Variants in DLGAP1 observed in about 807,000 individuals in gnomAD.
DLGAP1 encodes DLG associated protein 1.
A neutral mutation model predicts 90.8 loss-of-function variants in DLGAP1; 11 were observed. The observed-to-expected ratio is 0.12, with a 90% CI of 0.08 to 0.20. The LOEUF is 0.20. Among genes scored for constraint, DLGAP1 ranks in the 10% least tolerant of loss-of-function variants. DLGAP1 has a pLI of 1.00. For synonymous variants in DLGAP1, 558 were observed against 540.7 expected (o/e 1.03, Z -0.44); for missense variants, 1,050 against 1,333.8 (o/e 0.79, Z 3.31).
intron 1 of DLGAP1, among the ~76,000 whole-genome samples, chr18:4,299,547 ACACTGT>A (rs2080073400): frequency 6.6e-6 from 1 of 152,252 alleles, no homozygotes; most frequent in South Asian, 2.1e-4. Context: ...CCATTTTGTC[ACACTGT>A]CACTAAGTAG....
intron 1 of DLGAP1, among the ~76,000 whole-genome samples, chr18:4,211,513 C>T (rs1167086892): frequency 1.3e-5 from 2 of 151,882 alleles, no homozygotes; most frequent in Non-Finnish European, 2.9e-5. Context: ...AGAGTGATAC[C>T]AATTGATGTT....
intron 1 of DLGAP1, among the ~76,000 whole-genome samples, chr18:4,171,795 T>A (rs2077031041): frequency 6.6e-6 from 1 of 152,184 alleles, no homozygotes; most frequent in African/African-American, 2.4e-5. Flanking sequence ...ATGGTTATTA[T>A]GTACTTCTAA....
At chr18:3,966,108 A>G (rs2073325336) in intron 3 of DLGAP1, among the ~76,000 whole-genome samples, 1 of 152,070 alleles carries the variant, frequency 6.6e-6, no homozygotes, top group Admixed American at 6.6e-5. Flanking sequence ...TGGGACACAG[A>G]ATGATAGGGT....
At chr18:3,776,196 C>G (rs9962316) in intron 5 of DLGAP1, among the ~76,000 whole-genome samples, 22,059 of 152,156 alleles carry the variant, frequency 0.14, 1,685 homozygotes, top group Middle Eastern at 0.16. Context: ...GAATGGAAAA[C>G]AGCATTCAGA....
Position 4,342,985 on chromosome 18 carries a change from T to C in DLGAP1, c.-267+112021A>G, listed in dbSNP as rs976871482. Among the ~76,000 whole-genome samples, 7 of 152,138 alleles carry C rather than the reference T, an allele frequency of 4.6e-5. No homozygotes were observed. The highest frequency in any genetic ancestry group is 1.9e-4 in the East Asian group (1 of 5,178). On this transcript the variant is annotated intron_variant, in intron 1 of 12. Coordinates refer to ENST00000315677, the MANE Select transcript of DLGAP1 (RefSeq NM_004746.4). This position sits in a 1 kb window ranked among gnomAD's most constrained non-coding sequence, Gnocchi z 5.8. ...AGATTCAGGATTGTACTGGGATAAA[T>C]ATAATCTAAATCATAGTTGAACACT...
chr18:4,419,186 G>A (rs2082972798), intron 1 of DLGAP1, among the ~76,000 whole-genome samples: 1 of 152,122 alleles, frequency 6.6e-6, no homozygotes, highest in African/African-American at 2.4e-5. Context: ...ACAAAAGAAA[G>A]AAGTTTATTT....
intron 10 of DLGAP1, among the ~76,000 whole-genome samples, chr18:3,512,586 ATG>A (rs1373922978): frequency 6.6e-6 from 1 of 152,246 alleles, no homozygotes; most frequent in African/African-American, 2.4e-5. Context: ...CTTTGTGAAC[ATG>A]TGTTTACTTA....
At chr18:3,564,306 T>C (rs2054313212) in intron 9 of DLGAP1, among the ~76,000 whole-genome samples, 3 of 152,102 alleles carry the variant, frequency 2.0e-5, no homozygotes. Flanking sequence ...TTCTCAGTTG[T>C]TTTTATTTTT....
intron 1 of DLGAP1, among the ~76,000 whole-genome samples, chr18:4,157,147 G>A (rs1393507929): frequency 6.6e-6 from 1 of 151,710 alleles, no homozygotes; most frequent in Non-Finnish European, 1.5e-5. Flanking sequence ...GGTGGGACCG[G>A]GCCGTCAGCT....
rs2074877253 is a variant in DLGAP1 at position 4,035,729 on chromosome 18, A to C, written c.-158-30528T>G. Among the ~76,000 whole-genome samples the C allele has an allele frequency of 5.3e-5, 8 of 152,234 alleles. No homozygotes were observed. In the South Asian group the frequency reaches 1.7e-3, roughly 32 times the overall value. On this transcript the variant is annotated intron_variant, in intron 2 of 12. Coordinates refer to ENST00000315677, the MANE Select transcript of DLGAP1 (RefSeq NM_004746.4). The stretch of plus-strand genomic sequence containing the variant: ...TGAAACCACCTACTCACTTGACACT[A>C]ATCGGTTGCTAATGGTTTCTGGCTA...
At chr18:3,897,598 A>G (rs1352480873) in intron 3 of DLGAP1, among the ~76,000 whole-genome samples, 8 of 152,198 alleles carry the variant, frequency 5.3e-5, no homozygotes, top group Non-Finnish European at 1.2e-4. Flanking sequence ...AGGTGATGAC[A>G]TATTAACTGC....
At chr18:3,853,991 A>T (rs1369652759) in intron 4 of DLGAP1, among the ~76,000 whole-genome samples, 8 of 151,868 alleles carry the variant, frequency 5.3e-5, no homozygotes, top group Non-Finnish European at 1.2e-4. Flanking sequence ...CTTTCCAAAG[A>T]ACAACAACAA....
At chr18:4,039,639 A>G (rs78134275) in intron 2 of DLGAP1, among the ~76,000 whole-genome samples, 3,556 of 152,304 alleles carry the variant, frequency 0.023, 60 homozygotes, top group East Asian at 0.064. Flanking sequence ...TCATTACTGT[A>G]TTTGTAAAGT....
intron 7 of DLGAP1, among the ~76,000 whole-genome samples, chr18:3,583,478 G>A (rs912585594): frequency 6.6e-6 from 1 of 151,498 alleles, no homozygotes; most frequent in Non-Finnish European, 1.5e-5. Flanking sequence ...AACTTCTTTT[G>A]TTTAATTTTT....
At chr18:4,223,042 C>T (rs1430201052) in intron 1 of DLGAP1, among the ~76,000 whole-genome samples, 4 of 152,180 alleles carry the variant, frequency 2.6e-5, no homozygotes, top group African/African-American at 7.2e-5. Context: ...GCACTTATGT[C>T]CAGGAGATTA....
intron 7 of DLGAP1, among the ~76,000 whole-genome samples, chr18:3,623,102 C>T (rs1366843362): frequency 6.6e-6 from 1 of 152,012 alleles, no homozygotes; most frequent in Non-Finnish European, 1.5e-5. Context: ...ACCAGCCTGG[C>T]CTGATTTCAG....
At chr18:3,609,171 G>C (rs552806187) in intron 7 of DLGAP1, among the ~76,000 whole-genome samples, 16 of 152,124 alleles carry the variant, frequency 1.1e-4, no homozygotes, top group African/African-American at 3.9e-4. Context: ...AGCCTCCCAA[G>C]TAGCTGGGAC....
intron 1 of DLGAP1, among the ~76,000 whole-genome samples, chr18:4,290,469 G>A (rs2079818234): frequency 6.6e-6 from 1 of 152,150 alleles, no homozygotes. Flanking sequence ...CATATGTGGC[G>A]ATGAAAGGTA....
intron 2 of DLGAP1, among the ~76,000 whole-genome samples, chr18:4,053,916 A>G (rs1196020902): frequency 1.3e-5 from 2 of 152,232 alleles, no homozygotes; most frequent in Non-Finnish European, 2.9e-5. Context: ...GTTCATGCAG[A>G]TAAACCTTAA....
Sources: allele counts gnomAD v4.1 joint callset (sites outside exome capture counted in the v4.1 genomes callset), GRCh38; gene constraint gnomAD v4.1.1; non-coding constraint Gnocchi (gnomAD v3.1); transcripts MANE v1.5; gene names NCBI Gene and HGNC (gene_info 2026-07-23, HGNC 2026-07-21).